The following KCNA6 variants were observed in gnomAD, a reference collection of about 807,000 sequenced individuals.
KCNA6 encodes the protein human brain potassium channel-2.
Under a neutral mutation model 29.5 loss-of-function variants are expected in KCNA6, and 17 were observed. The observed-to-expected ratio is 0.58, with a 90% CI of 0.39 to 0.86. The LOEUF (loss-of-function observed/expected upper bound fraction) is 0.86, where lower values mean the gene tolerates loss of function less well. KCNA6 is among the 40% of genes least tolerant of loss of function. The probability of loss-of-function intolerance (pLI) is 0.00; values close to 1 mark genes in which losing one functional copy is unlikely to be tolerated. For synonymous variants in KCNA6, 296 were observed against 304.7 expected, an observed-to-expected ratio of 0.97 and a Z score of 0.30; for missense variants, 450 against 703.4, an observed-to-expected ratio of 0.64 and a Z score of 4.07.
the KCNA6 span, among the ~76,000 whole-genome samples, chr12:4,845,547 G>A: frequency 6.6e-6 from 1 of 152,180 alleles, no homozygotes; most frequent in Non-Finnish European, 1.5e-5. Context: ...AAAAACAGAG[G>A]ATGCCTGTTA....
chr12:4,810,783 T>G lies in KCNA6; in HGVS notation c.742T>G (p.Ser248Ala). ...CCCTGGGGAAATGGGGACCGGGGGC[T>G]CCTCCTCACTCAGTACTCTTGGGGG... The change falls in exon 1 of 1, where the codon TCC (serine) becomes GCC (alanine). Residue 248 changes from serine to alanine, a missense_variant. By Grantham distance (99) the Ser-to-Ala change is moderately conservative. Transcript: ENST00000280684. The surrounding 1 kb of genome is among the most constrained non-coding windows in gnomAD (Gnocchi z 7.5). 1 of 1,593,394 alleles carries G rather than the reference T, an allele frequency of 6.3e-7. No homozygotes were observed. The highest frequency in any genetic ancestry group is 8.5e-7 in the Non-Finnish European group (1 of 1,170,226).
the KCNA6 span, among the ~76,000 whole-genome samples, chr12:4,833,309 A>G: frequency 6.6e-6 from 1 of 152,130 alleles, no homozygotes; most frequent in African/African-American, 2.4e-5. Context: ...TCCCTCATGC[A>G]TCTGTGGTCA....
the KCNA6 span, among the ~76,000 whole-genome samples, chr12:4,835,204 T>A: frequency 7.1e-6 from 1 of 141,444 alleles, no homozygotes; most frequent in Admixed American, 7.0e-5. Context: ...GCGCGATCTC[T>A]GCTCACTGCA....
chr12:4,827,329 A>C, the KCNA6 span, among the ~76,000 whole-genome samples: 2 of 151,604 alleles, frequency 1.3e-5, no homozygotes, highest in Non-Finnish European at 2.9e-5. Context: ...CCTAGTTATT[A>C]AGTGATTCCA....
chr12:4,826,383 G>T, the KCNA6 span, among the ~76,000 whole-genome samples: 1 of 152,206 alleles, frequency 6.6e-6, no homozygotes, highest in Non-Finnish European at 1.5e-5. Context: ...TGTGCTCAGA[G>T]GCAAAAGCAG....
At chr12:4,822,110 C>G in the KCNA6 span, among the ~76,000 whole-genome samples, 1 of 152,202 alleles carries the variant, frequency 6.6e-6, no homozygotes, top group African/African-American at 2.4e-5. Context: ...GTTGGGATTA[C>G]AGGTGTGAGC....
the KCNA6 span, among the ~76,000 whole-genome samples, chr12:4,825,720 A>G: frequency 6.6e-6 from 1 of 152,216 alleles, no homozygotes; most frequent in Non-Finnish European, 1.5e-5. Context: ...TAGTCCTTAT[A>G]AGTCTTCTTA....
chr12:4,815,084 C>T (rs530338393), downstream of KCNA6, among the ~76,000 whole-genome samples: 1 of 151,712 alleles, frequency 6.6e-6, no homozygotes, highest in East Asian at 1.9e-4. Flanking sequence ...TGCCTTTTTT[C>T]CCCTTTCTCC....
At chr12:4,830,013 C>T in the KCNA6 span, among the ~76,000 whole-genome samples, 1 of 152,188 alleles carries the variant, frequency 6.6e-6, no homozygotes, top group East Asian at 1.9e-4. Flanking sequence ...GCCTCCACTC[C>T]CCTGAGACTC....
the KCNA6 span, among the ~76,000 whole-genome samples, chr12:4,838,452 G>T: frequency 1.4e-4 from 22 of 152,342 alleles, no homozygotes; most frequent in Admixed American, 3.3e-4. Flanking sequence ...TTGCAGAGCA[G>T]TGACTGAAGA....
At chr12:4,834,505 A>G in the KCNA6 span, among the ~76,000 whole-genome samples, 1 of 152,222 alleles carries the variant, frequency 6.6e-6, no homozygotes, top group Non-Finnish European at 1.5e-5. Context: ...TAAACAGCTG[A>G]CTGAAGTACA....
the KCNA6 span, among the ~76,000 whole-genome samples, chr12:4,846,773 T>C: frequency 1.5e-5 from 1 of 64,994 alleles, no homozygotes; most frequent in Non-Finnish European, 3.3e-5. Flanking sequence ...CTCTTTTTTT[T>C]TTTTTTTTTT....
chr12:4,848,133 C>A, the KCNA6 span, among the ~76,000 whole-genome samples: 1 of 152,138 alleles, frequency 6.6e-6, no homozygotes, highest in Admixed American at 6.5e-5. Flanking sequence ...AATTTTACAT[C>A]TTTTGACAAG....
the KCNA6 span, among the ~76,000 whole-genome samples, chr12:4,825,256 C>T: frequency 6.6e-5 from 10 of 152,182 alleles, no homozygotes; most frequent in Admixed American, 3.9e-4. Flanking sequence ...ATCAGTCCTA[C>T]GCAACTTTCC....
downstream of KCNA6, among the ~76,000 whole-genome samples, chr12:4,815,608 G>A (rs112269148): frequency 2.6e-5 from 4 of 152,324 alleles, no homozygotes; most frequent in African/African-American, 9.6e-5. Flanking sequence ...TTAGGAGGCA[G>A]GCATAAGGTT....
chr12:4,822,537 G>T, the KCNA6 span, among the ~76,000 whole-genome samples: 2 of 152,212 alleles, frequency 1.3e-5, no homozygotes, highest in Non-Finnish European at 2.9e-5. Context: ...AGTAACAAGA[G>T]CATGCCATGT....
the KCNA6 span, among the ~76,000 whole-genome samples, chr12:4,841,595 G>A: frequency 6.6e-6 from 1 of 152,160 alleles, no homozygotes; most frequent in Non-Finnish European, 1.5e-5. Context: ...ATATACCATC[G>A]ATGATTATGT....
At chr12:4,829,584 C>T in the KCNA6 span, among the ~76,000 whole-genome samples, 1 of 152,078 alleles carries the variant, frequency 6.6e-6, no homozygotes, top group African/African-American at 2.4e-5. Context: ...AGGTCTCAAC[C>T]TTCATAGGAT....
chr12:4,813,564 A>G (rs1946653415), downstream of KCNA6: 1 of 167,012 alleles, frequency 6.0e-6, no homozygotes, highest in Non-Finnish European at 1.5e-5. Context: ...ACCCTTCAGA[A>G]AGGAGAGTTC....
Sources: gnomAD v4.1 joint callset for allele counts (sites outside exome capture counted in the v4.1 genomes callset) on GRCh38, gnomAD v4.1.1 for gene constraint, Gnocchi (gnomAD v3.1) non-coding constraint, MANE v1.5 for transcripts, NCBI Gene and HGNC (gene_info 2026-07-23, HGNC 2026-07-21) for gene names.